The following OLFM3 variants were observed in gnomAD, a reference collection of about 807,000 sequenced individuals.
OLFM3 encodes noelin-3.
A neutral mutation model predicts 48.6 loss-of-function variants in OLFM3; 20 were observed. The ratio of observed to expected loss-of-function variants is 0.41; its 90% confidence interval spans 0.29 to 0.60. The LOEUF is 0.60. Among genes scored for constraint, OLFM3 ranks in the 20% least tolerant of loss-of-function variants. The pLI, the probability that OLFM3 is intolerant of heterozygous loss-of-function variation, is 0.28. For synonymous variants in OLFM3, 222 were observed against 198.1 expected, an observed-to-expected ratio of 1.12 and a Z score of -1.01; for missense variants, 437 against 544.3, an observed-to-expected ratio of 0.80 and a Z score of 1.96.
chr1:101,982,915 C>T (rs1661141299), intron 1 of OLFM3, among the ~76,000 whole-genome samples: 1 of 150,600 alleles, frequency 6.6e-6, no homozygotes, highest in South Asian at 2.1e-4. Flanking sequence ...TTTGTTTTTA[C>T]ACACACACAC....
At position 101,959,523 on chromosome 1, in the gene OLFM3, A is replaced by G. The variant is rs1163563836; in HGVS notation, c.69+37225T>C. Among the ~76,000 whole-genome samples the G allele has an allele frequency of 2.0e-5, 3 of 152,164 alleles. No homozygotes were observed. The East Asian group carries it at 5.8e-4, about 29-fold the overall frequency. ...ACTGTGCTCGGCTTAAAAAACATCT[A>G]CAACAACCTTATGCAATGGGTATTT... On this transcript the variant is annotated intron_variant, in intron 1 of 5. Transcript: ENST00000370103.
At position 101,955,235 on chromosome 1, in the gene OLFM3, C is replaced by T. The variant is rs971653800; in HGVS notation, c.69+41513G>A. On this transcript the variant is annotated intron_variant, in intron 1 of 5. Transcript: ENST00000370103. Reference sequence around the variant, plus strand: ...TTAGGTACCCCCTAGGTTTGCTGAACATTATCATGATGCCAGCTGGAATTG... The same window carrying T: ...TTAGGTACCCCCTAGGTTTGCTGAATATTATCATGATGCCAGCTGGAATTG... Among the ~76,000 whole-genome samples, 2 of 151,922 alleles carry T rather than the reference C, an allele frequency of 1.3e-5. 1 individual carries two copies. Among genetic ancestry groups the T allele is most frequent in the South Asian group, 4.1e-4 (2 of 4,836 alleles).
intron 1 of OLFM3, among the ~76,000 whole-genome samples, chr1:101,906,421 G>C (rs576581969): frequency 2.0e-5 from 3 of 152,016 alleles, no homozygotes; most frequent in Non-Finnish European, 4.4e-5. Context: ...TTACCAAAGA[G>C]ATTATCTTAG....
intron 1 of OLFM3, among the ~76,000 whole-genome samples, chr1:101,919,089 T>TACTATC (rs1659013286): frequency 6.6e-6 from 1 of 152,188 alleles, no homozygotes; most frequent in South Asian, 2.1e-4. Context: ...TGAAAAATCT[T>TACTATC]ACTATCAGAA....
At chr1:101,913,927 G>A (rs1036943428) in intron 1 of OLFM3, among the ~76,000 whole-genome samples, 3 of 152,092 alleles carry the variant, frequency 2.0e-5, no homozygotes, top group Admixed American at 6.6e-5. Flanking sequence ...ACCTTGCTCA[G>A]AGAACCCATT....
intron 1 of OLFM3, among the ~76,000 whole-genome samples, 166 bp downstream of exon 1, chr1:101,996,582 G>A (rs757085674): frequency 2.4e-4 from 36 of 152,058 alleles, no homozygotes; most frequent in South Asian, 1.0e-3. Context: ...CTATTCCTCC[G>A]GTAGTTCACC....
At chr1:101,928,977 G>A (rs747546176) in intron 1 of OLFM3, among the ~76,000 whole-genome samples, 1 of 152,052 alleles carries the variant, frequency 6.6e-6, no homozygotes, top group Non-Finnish European at 1.5e-5. Flanking sequence ...TCACTTGAGA[G>A]CTGCCCCTTC....
chr1:101,891,636 T>C (rs1658003534), intron 1 of OLFM3, among the ~76,000 whole-genome samples: 1 of 151,930 alleles, frequency 6.6e-6, no homozygotes, highest in African/African-American at 2.4e-5. Flanking sequence ...TAAAAACTAG[T>C]AATTATATGC....
chr1:101,933,727 A>G (rs970466064), intron 1 of OLFM3, among the ~76,000 whole-genome samples: 2 of 152,160 alleles, frequency 1.3e-5, no homozygotes, highest in African/African-American at 4.8e-5. Context: ...GGGGCAGGTC[A>G]CCTACAAAGG....
At chr1:101,983,395 T>A (rs1661153118) in intron 1 of OLFM3, among the ~76,000 whole-genome samples, 1 of 152,196 alleles carries the variant, frequency 6.6e-6, no homozygotes, top group Non-Finnish European at 1.5e-5. Flanking sequence ...TGCCACATTC[T>A]CTCCTTGTGT....
At chr1:101,991,016 A>AAAAAAAATAT (rs1553186119) in intron 1 of OLFM3, among the ~76,000 whole-genome samples, 13 of 32,216 alleles carry the variant, frequency 4.0e-4, no homozygotes, top group African/African-American at 8.6e-4. Context: ...AAAAAAAAAA[A>AAAAAAAATAT]ATATATATAT....
At chr1:101,970,875 G>A (rs1210044936) in intron 1 of OLFM3, among the ~76,000 whole-genome samples, 3 of 152,140 alleles carry the variant, frequency 2.0e-5, no homozygotes, top group African/African-American at 2.4e-5. Context: ...GGGATAGCGC[G>A]TACATAATAG....
At chr1:101,833,095 T>G (rs113003790) in intron 2 of OLFM3, among the ~76,000 whole-genome samples, 3 of 152,220 alleles carry the variant, frequency 2.0e-5, no homozygotes. Flanking sequence ...CTGGGCCAAG[T>G]CTATACAATT....
intron 1 of OLFM3, among the ~76,000 whole-genome samples, chr1:101,953,467 A>C (rs763422310): frequency 9.2e-5 from 14 of 152,142 alleles, no homozygotes; most frequent in Non-Finnish European, 1.9e-4. Context: ...TTTACAGCAC[A>C]ATTTTAAAGA....
chr1:101,873,505 C>A (rs1334828731), intron 1 of OLFM3, among the ~76,000 whole-genome samples: 1 of 151,732 alleles, frequency 6.6e-6, no homozygotes, highest in Non-Finnish European at 1.5e-5. Flanking sequence ...AATACAGCAA[C>A]CCTGTAAGGC....
At chr1:101,897,643 T>A (rs1658250833) in intron 1 of OLFM3, among the ~76,000 whole-genome samples, 2 of 152,172 alleles carry the variant, frequency 1.3e-5, no homozygotes, top group African/African-American at 4.8e-5. Context: ...TTATGAAACA[T>A]GGCACTAAAT....
At chr1:101,890,709 CAAAA>C (rs1657959601) in intron 1 of OLFM3, among the ~76,000 whole-genome samples, 1 of 144,072 alleles carries the variant, frequency 6.9e-6, no homozygotes, top group Non-Finnish European at 1.5e-5. Context: ...ATTAAACAAA[CAAAA>C]ACGACTCCAT....
At chr1:101,863,694 A>T (rs193249388) in intron 1 of OLFM3, among the ~76,000 whole-genome samples, 1 of 152,154 alleles carries the variant, frequency 6.6e-6, no homozygotes, top group African/African-American at 2.4e-5. Flanking sequence ...TAAATATATT[A>T]TTTTTTTCAT....
chr1:101,974,467 T>C (rs569883633), intron 1 of OLFM3, among the ~76,000 whole-genome samples: 2 of 152,284 alleles, frequency 1.3e-5, no homozygotes, highest in African/African-American at 4.8e-5. Flanking sequence ...GATACCTTAA[T>C]TGGACCAGTT....
Sources: gnomAD v4.1 joint callset for allele counts (sites outside exome capture counted in the v4.1 genomes callset) on GRCh38, gnomAD v4.1.1 for gene constraint, MANE v1.5 for transcripts, NCBI Gene and HGNC (gene_info 2026-07-23, HGNC 2026-07-21) for gene names.